BTBD3: variants seen among roughly 807,000 people sequenced by gnomAD.
BTBD3 encodes the protein BTB domain containing 3, also known as BTB/POZ domain-containing protein 3.
In BTBD3, 14 loss-of-function variants were observed where a neutral mutation model predicts 41.6. The observed-to-expected ratio is 0.34, with a 90% confidence interval of 0.22 to 0.53. The LOEUF is 0.53. Among genes scored for constraint, BTBD3 ranks in the 20% least tolerant of loss-of-function variants. The pLI is 0.95. For missense variants in BTBD3, 426 were observed against 654.7 expected (o/e 0.65, Z 3.81); for synonymous variants, 249 against 233.7 (o/e 1.07, Z -0.60).
intron 3 of BTBD3, 89 bp downstream of exon 3, chr20:11,919,925 C>A: frequency 8.7e-7 from 1 of 1,143,302 alleles, no homozygotes; most frequent in Non-Finnish European, 1.3e-6. Flanking sequence ...TTCTGCATAA[C>A]AGAAAAGAAG....
intron 1 of BTBD3, among the ~76,000 whole-genome samples, chr20:11,907,462 A>T (rs2056861849): frequency 6.6e-6 from 1 of 152,172 alleles, no homozygotes; most frequent in Non-Finnish European, 1.5e-5. Flanking sequence ...TTCTAATTGG[A>T]CTTGGAAGTG....
chr20:11,912,094 T>G (rs2056892943), intron 1 of BTBD3, among the ~76,000 whole-genome samples: 2 of 152,146 alleles, frequency 1.3e-5, no homozygotes, highest in Admixed American at 1.3e-4. Context: ...AAAAGGTGGC[T>G]TAATGAAACT....
chr20:11,923,915 G>A lies in BTBD3; in HGVS notation c.*249G>A. 1 of 407,046 alleles carries A rather than the reference G, an allele frequency of 2.5e-6. No homozygotes were observed. Among genetic ancestry groups the A allele is most frequent in the Non-Finnish European group, 4.4e-6 (1 of 229,660 alleles). 25.2% of individuals were successfully genotyped at this position (407,046 alleles called of 1,614,324 possible). A position where few individuals can be genotyped will look rare whatever the true frequency, so the allele number is the denominator to read the frequency against. On this transcript the variant is annotated 3_prime_UTR_variant, in exon 4 of 4. Coordinates refer to ENST00000378226, the MANE Select transcript of BTBD3 (RefSeq NM_014962.4). This position sits in a 1 kb window ranked among gnomAD's most constrained non-coding sequence, Gnocchi z 5.3. ...TTGTGGTTTTTAGAGTTGCATCTAT[G>A]AACCTGGGGAGATTATGTGCTTTCC... is the stretch of plus-strand genomic sequence containing the variant.
intron 1 of BTBD3, 72 bp downstream of exon 1, chr20:11,918,673 A>G: frequency 7.0e-7 from 1 of 1,425,912 alleles, no homozygotes; most frequent in African/African-American, 1.4e-5. Flanking sequence ...CAAAACCTGT[A>G]ATGTATTTGA....
chr20:11,900,819 C>T (rs1012365366), intron 1 of BTBD3, among the ~76,000 whole-genome samples: 7 of 151,714 alleles, frequency 4.6e-5, no homozygotes, highest in Middle Eastern at 3.4e-3. Context: ...GCCTTTCTCC[C>T]GCCTCAGCCT....
At position 11,918,373 on chromosome 20, in the gene BTBD3, C is replaced by T; in HGVS notation, c.98C>T (p.Ala33Val). 1 of 1,614,132 alleles carries T rather than the reference C, an allele frequency of 6.2e-7. No individual in the cohort carries two copies. The change falls in exon 1 of 4, where the codon GCA (alanine) becomes GTA (valine). Residue 33 changes from alanine to valine, a missense_variant. This residue lies in a region of BTBD3 where 53 missense variants were observed against 74.8 expected (regional missense o/e 0.71). Transcript: ENST00000378226. ...KNRSKKSSKK[A>V]NTSSSSSNSS... is the part of the protein sequence containing the mutation. ...AGGTCCAAGAAAAGCTCAAAGAAAG[C>T]AAATACCAGCAGCAGCAGTAGCAAC...
chr20:11,900,927 G>A (rs2056820328), intron 1 of BTBD3, among the ~76,000 whole-genome samples: 2 of 151,936 alleles, frequency 1.3e-5, no homozygotes, highest in South Asian at 4.2e-4. Flanking sequence ...TAGCCAGGAT[G>A]GTCTCGATAT....
chr20:11,920,333 A>G (rs1200223868), intron 3 of BTBD3, among the ~76,000 whole-genome samples: 1 of 152,200 alleles, frequency 6.6e-6, no homozygotes, highest in Non-Finnish European at 1.5e-5. Flanking sequence ...CTTTGTGTAC[A>G]CATACATATA....
At chr20:11,899,753 C>T (rs6109174) in intron 1 of BTBD3, among the ~76,000 whole-genome samples, 2 of 152,142 alleles carry the variant, frequency 1.3e-5, no homozygotes, top group African/African-American at 2.4e-5. Flanking sequence ...ACTCACTTTC[C>T]TCCTCTTTCT....
At chr20:11,911,973 G>A (rs991328217) in intron 1 of BTBD3, among the ~76,000 whole-genome samples, 4 of 152,048 alleles carry the variant, frequency 2.6e-5, no homozygotes, top group Non-Finnish European at 5.9e-5. Context: ...AAGAATCATC[G>A]TTCCCTGCCT....
At chr20:11,916,819 A>T (rs944502090), upstream of BTBD3, among the ~76,000 whole-genome samples, 3 of 152,188 alleles carry the variant, frequency 2.0e-5, no homozygotes, top group South Asian at 6.2e-4. Context: ...ATCCAAATAG[A>T]TAGGGGTGAG....
intron 1 of BTBD3, among the ~76,000 whole-genome samples, chr20:11,898,831 G>A (rs1394841213): frequency 6.6e-6 from 1 of 152,062 alleles, no homozygotes; most frequent in African/African-American, 2.4e-5. Context: ...AATTAAATAG[G>A]GTGCTCTCTG....
At chr20:11,894,150 T>G (rs537303745) in intron 1 of BTBD3, among the ~76,000 whole-genome samples, 2 of 152,322 alleles carry the variant, frequency 1.3e-5, no homozygotes, top group African/African-American at 4.8e-5. Flanking sequence ...ACCATAGAGT[T>G]TTGGTGAGAT....
At chr20:11,910,376 G>C (rs1384371168) in intron 1 of BTBD3, 1 of 152,190 alleles carries the variant, frequency 6.6e-6, no homozygotes, top group Non-Finnish European at 1.5e-5. Flanking sequence ...GGTTGGGTGA[G>C]GTTGTTCCAT....
chr20:11,903,878 G>C (rs543770492), intron 1 of BTBD3, among the ~76,000 whole-genome samples: 27 of 152,264 alleles, frequency 1.8e-4, no homozygotes, highest in Middle Eastern at 3.4e-3. Context: ...AAAATGCTGG[G>C]ATTACAGGTG....
In BTBD3 at chr20:11,924,194, T is replaced by G. The variant is rs1359440511; in HGVS notation, c.*528T>G. 1 of 152,616 alleles carries G rather than the reference T, an allele frequency of 6.6e-6. No individual in the cohort carries two copies. Among genetic ancestry groups the G allele is most frequent in the African/African-American group, 2.4e-5 (1 of 41,468 alleles). 9.5% of individuals were successfully genotyped at this position (152,616 alleles called of 1,614,324 possible). ...GCTCTCGTTTTATTCCTTTTACATT[T>G]GTTGCTTCTGGGATTTAAAAAATTA... On this transcript the variant is annotated 3_prime_UTR_variant, in exon 4 of 4. Transcript: ENST00000378226.
upstream of BTBD3, among the ~76,000 whole-genome samples, chr20:11,916,596 G>A (rs2056919246): frequency 6.6e-6 from 1 of 152,134 alleles, no homozygotes; most frequent in Non-Finnish European, 1.5e-5. Context: ...GTTCAATTTA[G>A]TGTTCTAGGG....
upstream of BTBD3, among the ~76,000 whole-genome samples, chr20:11,916,524 T>TA (rs1231334219): frequency 6.6e-6 from 1 of 152,206 alleles, no homozygotes; most frequent in Non-Finnish European, 1.5e-5. Context: ...CTGGTTCTCT[T>TA]ACAGAGGCTT....
At chr20:11,892,264 C>G (rs1331451316) in intron 1 of BTBD3, among the ~76,000 whole-genome samples, 3 of 151,690 alleles carry the variant, frequency 2.0e-5, no homozygotes, top group Admixed American at 2.0e-4. Flanking sequence ...ACTAAGCCCG[C>G]TTTCACTGAC....
Sources: allele counts gnomAD v4.1 joint callset (sites outside exome capture counted in the v4.1 genomes callset), GRCh38; gene constraint gnomAD v4.1.1; regional missense constraint gnomAD v4.1.1; non-coding constraint Gnocchi (gnomAD v3.1); transcripts MANE v1.5; gene names NCBI Gene and HGNC (gene_info 2026-07-23, HGNC 2026-07-21).